Variants in CENPE observed in about 807,000 individuals in gnomAD.
CENPE encodes centromere protein E, also known as centromere-associated protein E.
CENPE carries 145 observed loss-of-function variants against 336.1 expected under a neutral mutation model. That is an observed-to-expected ratio of 0.43 (90% CI 0.38 to 0.50). The LOEUF (loss-of-function observed/expected upper bound fraction) is 0.50. CENPE is among the 20% of genes least tolerant of loss of function. The pLI is 0.00. For synonymous variants in CENPE, 1,013 were observed against 984.8 expected (o/e 1.03, Z -0.54); for missense variants, 2,719 against 3,023.3 (o/e 0.90, Z 2.36).
intron 9 of CENPE, among the ~76,000 whole-genome samples, chr4:103,185,237 G>A (rs1358622778): frequency 6.6e-6 from 1 of 151,714 alleles, no homozygotes; most frequent in Non-Finnish European, 1.5e-5. Flanking sequence ...CCCAGGAGGT[G>A]GAGGTTGCAT....
Position 103,198,298 on chromosome 4 carries a change from C to T in CENPE, c.22G>A (p.Ala8Thr). 3 of 1,551,030 alleles carry T rather than the reference C, an allele frequency of 1.9e-6. No homozygotes were observed. Among genetic ancestry groups the T allele is most frequent in the South Asian group, 2.4e-5 (2 of 84,054 alleles). MAEEGAVAVCVRVRPLNS... is the reference protein window; with the variant it reads MAEEGAVTVCVRVRPLNS... ...AGCGGCCGCACTCGCACGCAGACGG[C>T]CACGGCTCCTTCCTCCGCCATCCTA... The change falls in exon 1 of 49, where the codon GCC (alanine) becomes ACC (threonine). Residue 8 changes from alanine to threonine, a missense_variant. By Grantham distance (58) the Ala-to-Thr change is moderately conservative. Coordinates refer to ENST00000265148, the MANE Select transcript of CENPE (RefSeq NM_001813.3).
At position 103,140,830 on chromosome 4, in the gene CENPE, T is replaced by C; in HGVS notation, c.5738A>G (p.Gln1913Arg). ...LERDQLKESL[Q>R]ETKARDLEIQ... ...ACAACTCACTCTAGCTTTGGTTTCT[T>C]GCAGGCTTTCCTTGAGTTGGTCTCT... Residue 1913 changes from glutamine to arginine, a missense_variant, in exon 36 of 49, where the codon CAA (glutamine) becomes CGA (arginine). Physicochemically the swap from Gln to Arg is conservative, Grantham distance 43. This residue lies in a region of CENPE where 2,437 missense variants were observed against 2,513.3 expected (regional missense o/e 0.97). Transcript: ENST00000265148. 6.3e-7 allele frequency: 1 copy of C among 1,587,858 alleles called. No individual in the cohort carries two copies. The highest frequency in any genetic ancestry group is 8.5e-7 in the Non-Finnish European group (1 of 1,172,066).
intron 42 of CENPE, among the ~76,000 whole-genome samples, chr4:103,130,036 C>CA (rs1226358086): frequency 6.6e-6 from 1 of 152,118 alleles, no homozygotes; most frequent in Non-Finnish European, 1.5e-5. Context: ...AGAATGTCTA[C>CA]AAAAAACTAC....
At position 103,143,267 on chromosome 4, in the gene CENPE, T is replaced by C. The variant is rs763056863; in HGVS notation, c.5285A>G (p.Asn1762Ser). The C allele has an allele frequency of 2.3e-5, 37 of 1,596,572 alleles. No individual in the cohort carries two copies. The highest frequency in any genetic ancestry group is 8.1e-5 in the South Asian group (7 of 86,618). The change falls in exon 34 of 49, where the codon AAT (asparagine) becomes AGT (serine). Residue 1762 changes from asparagine to serine, a missense_variant. Coordinates refer to ENST00000265148, the MANE Select transcript of CENPE (RefSeq NM_001813.3). Reference sequence around the variant, plus strand: ...AAATACCTGTGCTTTTAAGGCATCATTTGAGTGTTCTAAGTCCTTTTGCAT... The same window carrying C: ...AAATACCTGTGCTTTTAAGGCATCACTTGAGTGTTCTAAGTCCTTTTGCAT... ...SNMQKDLEHS[N>S]DALKAQDLKI...
intron 16 of CENPE, among the ~76,000 whole-genome samples, chr4:103,165,406 A>G (rs1754818557): frequency 6.6e-6 from 1 of 152,198 alleles, no homozygotes; most frequent in Non-Finnish European, 1.5e-5. Context: ...CTATTTAAGC[A>G]TCTCATGTTA....
In CENPE at chr4:103,132,857, T is replaced by C. The variant is rs1047573811; in HGVS notation, c.6760A>G (p.Ile2254Val). The change falls in exon 42 of 49, where the codon ATA becomes GTA. Residue 2254 changes from isoleucine to valine, a missense_variant. Coordinates refer to ENST00000265148, the MANE Select transcript of CENPE (RefSeq NM_001813.3). ...AGTACTTGTTGAAATTCAGTCTTTA[T>C]GCTAGGGAACTCACTTTCTGAGAAA... ...KDFSESEFPS[I>V]KTEFQQVLSN... The C allele has an allele frequency of 1.3e-6, 2 of 1,528,800 alleles. No homozygotes were observed. The highest frequency in any genetic ancestry group is 2.0e-5 in the Admixed American group (1 of 50,020). 94.7% of individuals were successfully genotyped at this position (1,528,800 alleles called of 1,614,324 possible). A position where few individuals can be genotyped will look rare whatever the true frequency, so the allele number is the denominator to read the frequency against.
intron 45 of CENPE, 156 bp downstream of exon 45, chr4:103,116,421 A>G (rs1449484482): frequency 4.4e-6 from 2 of 455,892 alleles, no homozygotes; most frequent in Non-Finnish European, 7.8e-6. Context: ...TGAGACCAGT[A>G]TATTTAAAAT....
In CENPE at chr4:103,153,229, G is replaced by GT. The variant is rs764173924; in HGVS notation, c.3054dup (p.Gln1019ThrfsTer6). On this transcript the variant is annotated frameshift_variant, in exon 25 of 49. Coordinates refer to ENST00000265148, the MANE Select transcript of CENPE (RefSeq NM_001813.3). LOFTEE classifies it high-confidence loss of function. ...TGGGTATTTTTAGCTTCCAAATCCT[G>GT]TTTTTTATCTATGCCAACCATCTAA... The GT allele has an allele frequency of 1.2e-6, 2 of 1,610,746 alleles. No individual in the cohort carries two copies. The highest frequency in any genetic ancestry group is 1.3e-5 in the African/African-American group (1 of 74,788).
intron 8 of CENPE, among the ~76,000 whole-genome samples, chr4:103,193,752 C>G (rs745989555): frequency 6.6e-6 from 1 of 152,032 alleles, no homozygotes. Context: ...TAAAGTACTA[C>G]GTTTACAATA....
At chr4:103,108,080 C>T (rs923128664) in intron 48 of CENPE, among the ~76,000 whole-genome samples, 4 of 152,112 alleles carry the variant, frequency 2.6e-5, no homozygotes, top group Non-Finnish European at 5.9e-5. Context: ...TCCCACCTAC[C>T]CTAACGCTGT....
chr4:103,122,203 C>A (rs181936664), intron 43 of CENPE, among the ~76,000 whole-genome samples: 142 of 152,196 alleles, frequency 9.3e-4, no homozygotes, highest in South Asian at 2.5e-3. Context: ...TCTCATTAAG[C>A]TGGTGGTTGA....
intron 9 of CENPE, among the ~76,000 whole-genome samples, chr4:103,183,688 C>T (rs1032663202): frequency 5.3e-5 from 8 of 152,034 alleles, no homozygotes; most frequent in Admixed American, 2.0e-4. Context: ...TATGCTCACA[C>T]GGTTCAAAAA....
chr4:103,150,873 T>C (rs1437558139), intron 26 of CENPE, among the ~76,000 whole-genome samples: 1 of 152,232 alleles, frequency 6.6e-6, no homozygotes, highest in Admixed American at 6.5e-5. Context: ...AATGCATCTC[T>C]GCAAGGAAAG....
intron 16 of CENPE, among the ~76,000 whole-genome samples, chr4:103,172,975 A>G (rs1316550639): frequency 6.6e-6 from 1 of 152,018 alleles, no homozygotes; most frequent in Non-Finnish European, 1.5e-5. Flanking sequence ...TCAAAACACC[A>G]AAGACATTCT....
intron 39 of CENPE, among the ~76,000 whole-genome samples, chr4:103,136,996 A>T (rs1343741353): frequency 6.6e-6 from 1 of 152,170 alleles, no homozygotes; most frequent in Non-Finnish European, 1.5e-5. Context: ...AAAATATATG[A>T]TCTATACCTA....
At chr4:103,142,164 T>C (rs1159344387) in intron 34 of CENPE, among the ~76,000 whole-genome samples, 2 of 152,232 alleles carry the variant, frequency 1.3e-5, no homozygotes, top group Non-Finnish European at 2.9e-5. Flanking sequence ...TCATATTTAC[T>C]GTTTCCTTCT....
intron 48 of CENPE, among the ~76,000 whole-genome samples, chr4:103,106,983 G>C (rs1748955191): frequency 6.6e-6 from 1 of 152,104 alleles, no homozygotes; most frequent in Admixed American, 6.5e-5. Flanking sequence ...TCTAAAAACA[G>C]TACCAGAGAG....
Position 103,191,414 on chromosome 4 carries a change from G to A in CENPE, c.693+2815C>T, listed in dbSNP as rs371003740. On this transcript the variant is annotated intron_variant, in intron 8 of 48. Coordinates refer to ENST00000265148, the MANE Select transcript of CENPE (RefSeq NM_001813.3). ...GAACCAACCCAAATGTCCAACAATG[G>A]TAGACTGGATTAAGAAAATGTGGCA... Among the ~76,000 whole-genome samples the A allele has an allele frequency of 2.0e-4, 31 of 152,172 alleles. 1 individual carries two copies. The South Asian group carries it at 4.8e-3, about 23-fold the overall frequency.
At chr4:103,174,604 T>A in intron 16 of CENPE, 132 bp downstream of exon 16, 1 of 574,598 alleles carries the variant, frequency 1.7e-6, no homozygotes, top group Non-Finnish European at 2.8e-6. Flanking sequence ...TACATCATGT[T>A]GTATACAATA....
Sources: gnomAD v4.1 joint callset for allele counts (sites outside exome capture counted in the v4.1 genomes callset) on GRCh38, gnomAD v4.1.1 for gene constraint, gnomAD v4.1.1 regional missense constraint, MANE v1.5 for transcripts, NCBI Gene and HGNC (gene_info 2026-07-23, HGNC 2026-07-21) for gene names.